Variants in EDIL3 observed in about 807,000 individuals in gnomAD.
The protein encoded by EDIL3 is EGF-like repeat and discoidin I-like domain-containing protein 3.
A neutral mutation model predicts 67.4 loss-of-function variants in EDIL3; 37 were observed. The ratio of observed to expected loss-of-function variants is 0.55; its 90% CI spans 0.42 to 0.72. EDIL3 has a LOEUF of 0.72. EDIL3 is among the 30% of genes least tolerant of loss of function. The pLI, the probability that EDIL3 is intolerant of heterozygous loss-of-function variation, is 0.00. For missense variants in EDIL3, 527 were observed against 586.3 expected (o/e 0.90, Z 1.04); for synonymous variants, 195 against 196.3 (o/e 0.99, Z 0.05).
intron 3 of EDIL3, 122 bp from the exon 4 acceptor site, chr5:84,180,643 T>C (rs917338946): frequency 8.9e-7 from 1 of 1,127,568 alleles, no homozygotes; most frequent in Non-Finnish European, 1.2e-6. Context: ...GCATAGTAAA[T>C]GTACTGGTTG....
chr5:83,989,947 A>G (rs1245182412), intron 9 of EDIL3, among the ~76,000 whole-genome samples: 1 of 152,142 alleles, frequency 6.6e-6, no homozygotes, highest in Non-Finnish European at 1.5e-5. Flanking sequence ...GCAACTAGCA[A>G]AAGGGCTGGG....
intron 9 of EDIL3, among the ~76,000 whole-genome samples, chr5:84,057,978 G>A (rs1480626109): frequency 2.0e-5 from 3 of 152,132 alleles, no homozygotes. Flanking sequence ...CGATGTAGTA[G>A]TATACATGAT....
chr5:84,068,952 T>G (rs1233755281), intron 6 of EDIL3, among the ~76,000 whole-genome samples: 1 of 152,176 alleles, frequency 6.6e-6, no homozygotes, highest in Non-Finnish European at 1.5e-5. Context: ...TACAAGTATC[T>G]GCAAGTAATT....
At chr5:84,335,275 C>T (rs1209181666) in intron 1 of EDIL3, among the ~76,000 whole-genome samples, 1 of 152,126 alleles carries the variant, frequency 6.6e-6, no homozygotes, top group Non-Finnish European at 1.5e-5. Context: ...TCCCCTTCAT[C>T]TTCTGACACA....
chr5:84,328,563 G>C (rs547930740), intron 1 of EDIL3, among the ~76,000 whole-genome samples: 31 of 152,010 alleles, frequency 2.0e-4, no homozygotes, highest in Admixed American at 5.9e-4. Context: ...CTATGCCTAG[G>C]GTGTCCTTAT....
intron 9 of EDIL3, among the ~76,000 whole-genome samples, chr5:84,040,516 T>C (rs1746101094): frequency 7.7e-6 from 1 of 129,332 alleles, no homozygotes; most frequent in South Asian, 2.2e-4. Context: ...GATATATAAT[T>C]ATATATATAT....
rs144631425 is a variant in EDIL3 at position 84,179,406 on chromosome 5, C to T, written c.355+987G>A. Among the ~76,000 whole-genome samples, 1,048 of 152,184 alleles carry T rather than the reference C, an allele frequency of 6.9e-3. 12 individuals are homozygous for T. Among genetic ancestry groups the T allele is most frequent in the African/African-American group, 0.024 (988 of 41,530 alleles). ...TGCCCGTTGTACAAAGCACACACGCCCATGCACTACAATAGGTTTCTACGG... is the reference window on the plus strand; with the variant it reads ...TGCCCGTTGTACAAAGCACACACGCTCATGCACTACAATAGGTTTCTACGG... On this transcript the variant is annotated intron_variant, in intron 4 of 10. Transcript: ENST00000296591.
intron 6 of EDIL3, among the ~76,000 whole-genome samples, chr5:84,084,561 C>T (rs1344562100): frequency 6.6e-6 from 1 of 152,126 alleles, no homozygotes; most frequent in Non-Finnish European, 1.5e-5. Flanking sequence ...AAGGTCATTA[C>T]AACTTATTTT....
chr5:84,255,783 G>A (rs1745112091), intron 1 of EDIL3, among the ~76,000 whole-genome samples: 1 of 152,144 alleles, frequency 6.6e-6, no homozygotes, highest in Non-Finnish European at 1.5e-5. Flanking sequence ...GTACCTAAGT[G>A]CTGGAGCAGA....
intron 1 of EDIL3, among the ~76,000 whole-genome samples, chr5:84,332,593 T>C (rs927031395): frequency 2.0e-5 from 3 of 152,182 alleles, no homozygotes; most frequent in African/African-American, 7.2e-5. Flanking sequence ...TCTTAACTAG[T>C]AGAGACATAG....
intron 9 of EDIL3, among the ~76,000 whole-genome samples, chr5:84,051,958 A>T (rs1274408203): frequency 6.6e-6 from 1 of 152,174 alleles, no homozygotes; most frequent in Non-Finnish European, 1.5e-5. Flanking sequence ...AATACAGAGA[A>T]TGCCACAAAG....
At chr5:84,117,075 G>A (rs1371022542) in intron 5 of EDIL3, among the ~76,000 whole-genome samples, 1 of 130,268 alleles carries the variant, frequency 7.7e-6, no homozygotes, top group Admixed American at 9.1e-5. Flanking sequence ...TGGCCCAGGC[G>A]GGAGTGCAGT....
At chr5:84,348,962 A>C (rs897694866) in intron 1 of EDIL3, among the ~76,000 whole-genome samples, 1 of 152,188 alleles carries the variant, frequency 6.6e-6, no homozygotes, top group African/African-American at 2.4e-5. Context: ...TATTTTAATA[A>C]ACATAATTCC....
chr5:84,307,077 G>GAT (rs2112137326), intron 1 of EDIL3, among the ~76,000 whole-genome samples: 1 of 152,248 alleles, frequency 6.6e-6, no homozygotes, highest in East Asian at 1.9e-4. Flanking sequence ...TATCACAAAA[G>GAT]ATATATGATC....
chr5:84,236,868 A>C (rs1744693191), intron 2 of EDIL3, among the ~76,000 whole-genome samples: 1 of 152,056 alleles, frequency 6.6e-6, no homozygotes, highest in South Asian at 2.1e-4. Context: ...GAAACTTGTA[A>C]GGGATAAAGC....
chr5:84,106,861 G>A (rs1747475770), intron 5 of EDIL3, 31 bp from the exon 6 acceptor site: 3 of 1,574,230 alleles, frequency 1.9e-6, no homozygotes, highest in Non-Finnish European at 2.6e-6. Flanking sequence ...AAATATGAAT[G>A]TATTAGAAAC....
intron 1 of EDIL3, among the ~76,000 whole-genome samples, chr5:84,382,803 G>A (rs979039184): frequency 2.0e-5 from 3 of 152,104 alleles, no homozygotes; most frequent in Non-Finnish European, 4.4e-5. Context: ...TTAACTGGAA[G>A]GGCACTTTGT....
chr5:84,122,191 C>T (rs1580337460), intron 5 of EDIL3, among the ~76,000 whole-genome samples: 1 of 151,886 alleles, frequency 6.6e-6, no homozygotes, highest in East Asian at 1.9e-4. Flanking sequence ...TGTTGATTCC[C>T]TTGTTTAGGT....
At position 84,243,462 on chromosome 5, in the gene EDIL3, G is replaced by C. The variant is rs551640627; in HGVS notation, c.196+10622C>G. The stretch of plus-strand genomic sequence containing the variant: ...AGTTGACACAAACAGCATGTGTCTT[G>C]TTCTTGAAAATGTTTGTAGCTCCTT... On this transcript the variant is annotated intron_variant, in intron 2 of 10. Coordinates refer to ENST00000296591, the MANE Select transcript of EDIL3 (RefSeq NM_005711.5). Among the ~76,000 whole-genome samples, 17 of 152,318 alleles carry C rather than the reference G, an allele frequency of 1.1e-4. No individual in the cohort carries two copies. In the South Asian group the frequency reaches 2.5e-3, roughly 22 times the overall value.
Sources: allele counts gnomAD v4.1 joint callset (sites outside exome capture counted in the v4.1 genomes callset), GRCh38; gene constraint gnomAD v4.1.1; transcripts MANE v1.5; gene names NCBI Gene and HGNC (gene_info 2026-07-23, HGNC 2026-07-21).